PLCG1: variants seen among roughly 807,000 people sequenced by gnomAD.
PLCG1 encodes the protein 1-phosphatidylinositol 4,5-bisphosphate phosphodiesterase gamma-1.
A neutral mutation model predicts 177.8 loss-of-function variants in PLCG1; 71 were observed. The ratio of observed to expected loss-of-function variants is 0.40; its 90% CI spans 0.33 to 0.49. The LOEUF (loss-of-function observed/expected upper bound fraction) is 0.49, where lower values mean the gene tolerates loss of function less well. Ranked by LOEUF, PLCG1 falls within the 20% of genes least tolerant of loss-of-function variation. The pLI, the probability that PLCG1 is intolerant of heterozygous loss-of-function variation, is 0.72. For synonymous variants in PLCG1, 658 were observed against 647.9 expected, an observed-to-expected ratio of 1.02 and a Z score of -0.24; for missense variants, 1,281 against 1,709.0, an observed-to-expected ratio of 0.75 and a Z score of 4.42.
Position 41,164,244 on chromosome 20 carries a change from G to A in PLCG1, c.1217+43G>A, listed in dbSNP as rs772411307. On this transcript the variant is annotated intron_variant, in intron 12 of 31. Coordinates refer to ENST00000685551, the MANE Select transcript of PLCG1 (RefSeq NM_002660.3). The surrounding 1 kb of genome is among the most constrained non-coding windows in gnomAD (Gnocchi z 6.4). Reference sequence around the variant, plus strand: ...TGACCCAGGGGTTAACTTGGCTCCAGGTCTCTCGTTCTAGAGGGACAGAGG... The same window carrying A: ...TGACCCAGGGGTTAACTTGGCTCCAAGTCTCTCGTTCTAGAGGGACAGAGG... 2 of 1,608,702 alleles carry A rather than the reference G, an allele frequency of 1.2e-6. No individual in the cohort carries two copies. The highest frequency in any genetic ancestry group is 1.1e-5 in the South Asian group (1 of 90,872).
At chr20:41,155,641 A>G (rs980198230) in intron 1 of PLCG1, among the ~76,000 whole-genome samples, 5 of 152,036 alleles carry the variant, frequency 3.3e-5, no homozygotes, top group African/African-American at 7.3e-5. Context: ...TCTTCTCTTC[A>G]TGGATCATCT....
In PLCG1 at chr20:41,166,058, ACACCTGAGCTCCTCAGGAGATTGGCCT is replaced by A; in HGVS notation, c.1800-134_1800-108del. 16 of 633,930 alleles carry A rather than the reference ACACCTGAGCTCCTCAGGAGATTGGCCT, an allele frequency of 2.5e-5. No individual in the cohort carries two copies. The highest frequency in any genetic ancestry group is 3.1e-5 in the Admixed American group (1 of 31,890). The allele number at this position is 633,930 out of a possible 1,614,324, so 39.3% of individuals were successfully genotyped here. Reference sequence around the variant, plus strand: ...ACACCTTTGGTTCATGTGACTGCCCACACCTGAGCTCCTCAGGAGATTGGCCTCCCTCCTTGAGGCTCCCTCCTTGAG... The same window carrying A: ...ACACCTTTGGTTCATGTGACTGCCCACCCTCCTTGAGGCTCCCTCCTTGAG... On this transcript the variant is annotated intron_variant, in intron 16 of 31. Coordinates refer to ENST00000685551, the MANE Select transcript of PLCG1 (RefSeq NM_002660.3). The surrounding 1 kb of genome is among the most constrained non-coding windows in gnomAD (Gnocchi z 8.6).
chr20:41,154,222 A>T (rs903489835), intron 1 of PLCG1, among the ~76,000 whole-genome samples: 1 of 152,206 alleles, frequency 6.6e-6, no homozygotes, highest in Non-Finnish European at 1.5e-5. Context: ...AGCGGTTAAC[A>T]GGCTTATAAA....
At chr20:41,142,579 G>A (rs1042959135) in intron 1 of PLCG1, among the ~76,000 whole-genome samples, 1 of 152,172 alleles carries the variant, frequency 6.6e-6, no homozygotes, top group Non-Finnish European at 1.5e-5. Flanking sequence ...TGGTAGATGG[G>A]AGAAGGGCTG....
chr20:41,167,864 G>A lies in PLCG1; in HGVS notation c.2314G>A (p.Gly772Arg), dbSNP rs200112083. 17 of 1,613,036 alleles carry A rather than the reference G, an allele frequency of 1.1e-5. No individual in the cohort carries two copies. The African/African-American group carries it at 1.3e-4, about 13-fold the overall frequency. Residue 772 changes from glycine (G) to arginine (R), a missense_variant, in exon 20 of 32, where the codon GGG (glycine) becomes AGG (arginine). Gly to Arg is a moderately radical substitution (Grantham distance 125). Transcript: ENST00000685551. The surrounding 1 kb of genome is among the most constrained non-coding windows in gnomAD (Gnocchi z 4.4). ...GTCCTGTTTCCAGGAGCCTGACTAC[G>A]GGGCCCTGTATGAGGGACGCAACCC... Reference protein sequence around the residue: ...EKIGTAEPDYGALYEGRNPGF... With the variant: ...EKIGTAEPDYRALYEGRNPGF...
In PLCG1 at chr20:41,148,152, C is replaced by T. The variant is rs2035053636; in HGVS notation, c.217+10294C>T. Among the ~76,000 whole-genome samples the T allele has an allele frequency of 2.0e-5, 3 of 152,214 alleles. No individual in the cohort carries two copies. Among genetic ancestry groups the T allele is most frequent in the Admixed American group, 1.3e-4 (2 of 15,284 alleles). ...GACTTCCGGTCATTATTTAGAACGT[C>T]TCCAGCCCCACAGATTTACTCTGTT... On this transcript the variant is annotated intron_variant, in intron 1 of 31. Coordinates refer to ENST00000685551, the MANE Select transcript of PLCG1 (RefSeq NM_002660.3). The surrounding 1 kb of genome is among the most constrained non-coding windows in gnomAD (Gnocchi z 4.3).
At chr20:41,139,579 G>A (rs754377989) in intron 1 of PLCG1, among the ~76,000 whole-genome samples, 27 of 152,180 alleles carry the variant, frequency 1.8e-4, no homozygotes, top group Admixed American at 5.2e-4. Context: ...TTCCTCATGT[G>A]TAAAATGGGG....
At position 41,177,086 on chromosome 20, in the gene PLCG1, A is replaced by G. The variant is rs1444808871; in HGVS notation, c.*2577A>G. 1 of 152,256 alleles carries G rather than the reference A, an allele frequency of 6.6e-6. No individual in the cohort carries two copies. Among genetic ancestry groups the G allele is most frequent in the Non-Finnish European group, 1.5e-5 (1 of 68,058 alleles). 9.4% of individuals were successfully genotyped at this position (152,256 alleles called of 1,614,324 possible). The stretch of plus-strand genomic sequence containing the variant: ...ACCCTGATTTTGGCAGCACAAACCA[A>G]AAGAGCAGGCAGGGCCGGGAGAGGG... On this transcript the variant is annotated 3_prime_UTR_variant, in exon 32 of 32. Transcript: ENST00000685551.
Position 41,137,566 on chromosome 20 carries a change from C to T in PLCG1, c.-76C>T, listed in dbSNP as rs868640964. 107 of 897,418 alleles carry T rather than the reference C, an allele frequency of 1.2e-4. 4 individuals carry two copies. In the African/African-American group the frequency reaches 1.3e-3, roughly 11 times the overall value. 55.6% of individuals were successfully genotyped at this position (897,418 alleles called of 1,614,324 possible). On this transcript the variant is annotated 5_prime_UTR_variant, in exon 1 of 32. Coordinates refer to ENST00000685551, the MANE Select transcript of PLCG1 (RefSeq NM_002660.3). This position sits in a 1 kb window ranked among gnomAD's most constrained non-coding sequence, Gnocchi z 7.3. ...TCGTCTGCCGCCTCAGCCTCAGCCC[C>T]AACCTCAGCCGCCGCCGTTGCGCTT...
In PLCG1 at chr20:41,167,829, AT is replaced by A; in HGVS notation, c.2302-22del. 1 of 1,551,036 alleles carries A rather than the reference AT, an allele frequency of 6.4e-7. No homozygotes were observed. The highest frequency in any genetic ancestry group is 8.9e-7 in the Non-Finnish European group (1 of 1,122,772). Reference sequence around the variant, plus strand: ...CCTCTGGGCTCTGGGGCATTAACATATCCCATTGTGTCCTGTTTCCAGGAGC... The same window carrying A: ...CCTCTGGGCTCTGGGGCATTAACATACCCATTGTGTCCTGTTTCCAGGAGC... On this transcript the variant is annotated intron_variant, in intron 19 of 31. Transcript: ENST00000685551. This position sits in a 1 kb window ranked among gnomAD's most constrained non-coding sequence, Gnocchi z 4.4.
rs746457478 is a variant in PLCG1, at chr20:41,157,915, G to C, written c.218-1691G>C. Among the ~76,000 whole-genome samples the C allele has an allele frequency of 6.6e-6, 1 of 152,156 alleles. No individual in the cohort carries two copies. The highest frequency in any genetic ancestry group is 1.5e-5 in the Non-Finnish European group (1 of 68,034). On this transcript the variant is annotated intron_variant, in intron 1 of 31. Transcript: ENST00000685551. The surrounding 1 kb of genome is among the most constrained non-coding windows in gnomAD (Gnocchi z 5.4). The stretch of plus-strand genomic sequence containing the variant: ...CTGGCAGTGGGCAGCCTCGGGAGGG[G>C]CTTGAATGAGGTCTAGGGGGGTCAG...
intron 1 of PLCG1, among the ~76,000 whole-genome samples, chr20:41,158,037 C>G (rs2035377053): frequency 6.6e-6 from 1 of 152,088 alleles, no homozygotes; most frequent in African/African-American, 2.4e-5. Flanking sequence ...GGACTCTCAG[C>G]TGGAGGACAG....
chr20:41,140,741 G>A (rs910774269), intron 1 of PLCG1, among the ~76,000 whole-genome samples: 1 of 152,200 alleles, frequency 6.6e-6, no homozygotes, highest in Non-Finnish European at 1.5e-5. Context: ...CCAGGTTGGT[G>A]TTTGGCCTTT....
chr20:41,164,632 T>G lies in PLCG1; in HGVS notation c.1218-301T>G, dbSNP rs924239705. ...TCACCAGGGCTCTAACAGCTAACTTTGGAGGCTTCTCCTCTCTCCTGGCCT... is the reference window on the plus strand; with the variant it reads ...TCACCAGGGCTCTAACAGCTAACTTGGGAGGCTTCTCCTCTCTCCTGGCCT... On this transcript the variant is annotated intron_variant, in intron 12 of 31. Coordinates refer to ENST00000685551, the MANE Select transcript of PLCG1 (RefSeq NM_002660.3). The surrounding 1 kb of genome is among the most constrained non-coding windows in gnomAD (Gnocchi z 6.4). Among the ~76,000 whole-genome samples, 1 of 152,156 alleles carries G rather than the reference T, an allele frequency of 6.6e-6. No homozygotes were observed. Among genetic ancestry groups the G allele is most frequent in the Non-Finnish European group, 1.5e-5 (1 of 68,026 alleles).
chr20:41,170,062 G>A, intron 23 of PLCG1, 50 bp from the exon 24 acceptor site: 1 of 1,532,192 alleles, frequency 6.5e-7, no homozygotes, highest in Non-Finnish European at 8.9e-7. Context: ...GAGTGGGGTG[G>A]AGGGGGTGAG....
Position 41,157,204 on chromosome 20 carries a change from C to CTGTGTGTGTGTGTGTGTGTGTGTG in PLCG1, c.218-2388_218-2365dup, listed in dbSNP as rs35980938. 2.4e-4 allele frequency among the ~76,000 whole-genome samples: 35 copies of CTGTGTGTGTGTGTGTGTGTGTGTG among 144,026 alleles called. No homozygotes were observed. The highest frequency in any genetic ancestry group is 9.1e-4 in the African/African-American group (34 of 37,320). The allele number at this position is 144,026 out of a possible 152,430, so 94.5% of individuals were successfully genotyped here. On this transcript the variant is annotated intron_variant, in intron 1 of 31. Transcript: ENST00000685551. This position sits in a 1 kb window ranked among gnomAD's most constrained non-coding sequence, Gnocchi z 5.4. ...GTGCAGGAGTGCAGGCCTGTTGACTCTGTGTGTGTGTGTGTGTGTGTGTGT... is the reference window on the plus strand; with the variant it reads ...GTGCAGGAGTGCAGGCCTGTTGACTCTGTGTGTGTGTGTGTGTGTGTGTGTGTGTGTGTGTGTGTGTGTGTGTGT...
At position 41,173,590 on chromosome 20, in the gene PLCG1, C is replaced by T. The variant is rs756696489; in HGVS notation, c.3394+56C>T. ...TCCTGCTGGGGCACTGCAAGCCTCT[C>T]CCCACCAGTCATCCCATCCTCTCCC... On this transcript the variant is annotated intron_variant, in intron 28 of 31. Transcript: ENST00000685551. This position sits in a 1 kb window ranked among gnomAD's most constrained non-coding sequence, Gnocchi z 6.2. 1.2e-6 allele frequency: 2 copies of T among 1,614,052 alleles called. No homozygotes were observed. The highest frequency in any genetic ancestry group is 1.7e-6 in the Non-Finnish European group (2 of 1,180,004).
Position 41,173,542 on chromosome 20 carries a change from T to G in PLCG1, c.3394+8T>G, listed in dbSNP as rs768883443. ...AGAAGACAGAGTTTGTGGGTCAGTCTGTCTTCCCAGTCATCCTCCTCATCC... is the reference window on the plus strand; with the variant it reads ...AGAAGACAGAGTTTGTGGGTCAGTCGGTCTTCCCAGTCATCCTCCTCATCC... On this transcript the variant is annotated splice_region_variant and intron_variant, in intron 28 of 31. Transcript: ENST00000685551. This position sits in a 1 kb window ranked among gnomAD's most constrained non-coding sequence, Gnocchi z 6.2. 8 of 1,613,776 alleles carry G rather than the reference T, an allele frequency of 5.0e-6. No homozygotes were observed. Among genetic ancestry groups the G allele is most frequent in the Non-Finnish European group, 4.2e-6 (5 of 1,179,910 alleles).
chr20:41,147,499 A>G lies in PLCG1; in HGVS notation c.217+9641A>G, dbSNP rs552480675. 9.2e-5 allele frequency among the ~76,000 whole-genome samples: 14 copies of G among 152,342 alleles called. No homozygotes were observed. The South Asian group carries it at 2.7e-3, about 29-fold the overall frequency. On this transcript the variant is annotated intron_variant, in intron 1 of 31. Transcript: ENST00000685551. This position sits in a 1 kb window ranked among gnomAD's most constrained non-coding sequence, Gnocchi z 4.0. Reference sequence around the variant, plus strand: ...TAAAACGATAGGTTATTCAACTTCAACTTCAGAGAAAGAAATCCAAGGTAG... The same window carrying G: ...TAAAACGATAGGTTATTCAACTTCAGCTTCAGAGAAAGAAATCCAAGGTAG...
Sources: allele counts gnomAD v4.1 joint callset (sites outside exome capture counted in the v4.1 genomes callset), GRCh38; gene constraint gnomAD v4.1.1; non-coding constraint Gnocchi (gnomAD v3.1); transcripts MANE v1.5; gene names NCBI Gene and HGNC (gene_info 2026-07-23, HGNC 2026-07-21).